The following PIGF variants were observed in gnomAD, a reference collection of about 807,000 sequenced individuals.
PIGF encodes the protein GPI ethanolamine phosphate transferase, stabilizing subunit.
A neutral mutation model predicts 26.0 loss-of-function variants in PIGF; 23 were observed. The ratio of observed to expected loss-of-function variants is 0.88; its 90% confidence interval spans 0.64 to 1.25. The LOEUF is 1.25. PIGF is among the 50% of genes most tolerant of loss of function. The probability of loss-of-function intolerance (pLI) is 0.00; values close to 1 mark genes in which losing one functional copy is unlikely to be tolerated. For synonymous variants in PIGF, 93 were observed against 92.6 expected (o/e 1.00, Z -0.03); for missense variants, 278 against 249.9 (o/e 1.11, Z -0.76).
intron 4 of PIGF, among the ~76,000 whole-genome samples, chr2:46,594,421 TA>T (rs1457150587): frequency 6.9e-6 from 1 of 143,992 alleles, no homozygotes; most frequent in Non-Finnish European, 1.5e-5. Context: ...CATCAGGTCT[TA>T]AACTGGAGGA....
chr2:46,591,360 G>A (rs2104076162), intron 5 of PIGF: 1 of 188,104 alleles, frequency 5.3e-6, no homozygotes, highest in African/African-American at 2.4e-5. Flanking sequence ...GGTTTCCTCT[G>A]GGTGGTTGGG....
At chr2:46,599,438 T>C (rs1291438780) in intron 4 of PIGF, among the ~76,000 whole-genome samples, 1 of 152,310 alleles carries the variant, frequency 6.6e-6, no homozygotes, top group East Asian at 1.9e-4. Context: ...TTTGCATCCC[T>C]TTCATTTCTC....
At chr2:46,596,212 C>CAAA (rs544010392) in intron 4 of PIGF, among the ~76,000 whole-genome samples, 4 of 102,862 alleles carry the variant, frequency 3.9e-5, no homozygotes, top group Non-Finnish European at 4.2e-5. Context: ...GACCCCATCT[C>CAAA]AAAAAAAAAA....
At chr2:46,611,091 C>G (rs150523931) in intron 4 of PIGF, among the ~76,000 whole-genome samples, 1 of 152,248 alleles carries the variant, frequency 6.6e-6, no homozygotes, top group Non-Finnish European at 1.5e-5. Flanking sequence ...GATGCTCTGT[C>G]CCTTTGAGTT....
chr2:46,605,786 A>G (rs1449129753), intron 4 of PIGF, among the ~76,000 whole-genome samples: 1 of 152,168 alleles, frequency 6.6e-6, no homozygotes, highest in Non-Finnish European at 1.5e-5. Context: ...GGGGCAAATC[A>G]CTTAACCTGT....
Position 46,588,736 on chromosome 2 carries a change from C to T in PIGF, c.546+3739G>A, listed in dbSNP as rs1259232590. 6.6e-6 allele frequency: 1 copy of T among 152,334 alleles called. No individual in the cohort carries two copies. The highest frequency in any genetic ancestry group is 1.5e-5 in the Non-Finnish European group (1 of 68,148). The allele number at this position is 152,334 out of a possible 1,614,324, so 9.4% of individuals were successfully genotyped here. A position where few individuals can be genotyped will look rare whatever the true frequency, so the allele number is the denominator to read the frequency against. ...AAGACATTTTCCAGATGAAAAACCTCATAGCTACATATTCTATGAAATAGT... is the reference window on the plus strand; with the variant it reads ...AAGACATTTTCCAGATGAAAAACCTTATAGCTACATATTCTATGAAATAGT... On this transcript the variant is annotated intron_variant, in intron 5 of 5. Transcript: ENST00000281382. The surrounding 1 kb of genome is among the most constrained non-coding windows in gnomAD (Gnocchi z 4.1).
At chr2:46,616,327 G>C (rs535425398) in intron 1 of PIGF, 2 of 152,380 alleles carry the variant, frequency 1.3e-5, no homozygotes, top group Admixed American at 6.5e-5. Context: ...TAAGCTGATT[G>C]AGGGAGGGCA....
chr2:46,593,992 C>T (rs938102332), intron 4 of PIGF, among the ~76,000 whole-genome samples: 2 of 152,180 alleles, frequency 1.3e-5, no homozygotes, highest in African/African-American at 4.8e-5. Flanking sequence ...GGGCTAAGAA[C>T]GGGCTGGAGC....
chr2:46,595,247 C>T (rs1669847735), intron 4 of PIGF, among the ~76,000 whole-genome samples: 1 of 152,126 alleles, frequency 6.6e-6, no homozygotes, highest in Non-Finnish European at 1.5e-5. Flanking sequence ...ACTCTTTAAC[C>T]ATTACCAATC....
chr2:46,592,842 G>C (rs1669763067), intron 4 of PIGF, among the ~76,000 whole-genome samples: 1 of 152,198 alleles, frequency 6.6e-6, no homozygotes, highest in South Asian at 2.1e-4. Context: ...AAACAGCTAA[G>C]TCTTCCACCC....
Position 46,589,990 on chromosome 2 carries a change from T to G in PIGF, c.546+2485A>C, listed in dbSNP as rs1047071220. ...ATTATACATCAATTCTATCATTCCCTCAACAATACATTTCATAATTTAAAA... is the reference window on the plus strand; with the variant it reads ...ATTATACATCAATTCTATCATTCCCGCAACAATACATTTCATAATTTAAAA... On this transcript the variant is annotated intron_variant, in intron 5 of 5. Coordinates refer to ENST00000281382, the MANE Select transcript of PIGF (RefSeq NM_002643.4). This position sits in a 1 kb window ranked among gnomAD's most constrained non-coding sequence, Gnocchi z 4.7. Among the ~76,000 whole-genome samples, 1 of 152,032 alleles carries G rather than the reference T, an allele frequency of 6.6e-6. No homozygotes were observed. Among genetic ancestry groups the G allele is most frequent in the Non-Finnish European group, 1.5e-5 (1 of 67,912 alleles).
At chr2:46,605,419 T>A (rs1171956641) in intron 4 of PIGF, among the ~76,000 whole-genome samples, 2 of 152,070 alleles carry the variant, frequency 1.3e-5, no homozygotes, top group East Asian at 3.8e-4. Flanking sequence ...CCTTGGTCTG[T>A]CACCTAAACT....
chr2:46,595,237 A>G (rs1304450779), intron 4 of PIGF, among the ~76,000 whole-genome samples: 1 of 151,592 alleles, frequency 6.6e-6, no homozygotes, highest in African/African-American at 2.4e-5. Flanking sequence ...TCATCCCCAG[A>G]CTCTTTAACC....
rs73926525 is a variant in PIGF at position 46,615,324 on chromosome 2, C to T, written c.-21-139G>A. On this transcript the variant is annotated intron_variant, in intron 1 of 5. Coordinates refer to ENST00000281382, the MANE Select transcript of PIGF (RefSeq NM_002643.4). ...TGTTTCAAAACACAAAAGATGCAGA[C>T]GTGTAGATGCACATACAGACTTAGC... is the stretch of plus-strand genomic sequence containing the variant. 1.5e-3 allele frequency: 798 copies of T among 546,272 alleles called. 5 individuals carry two copies. Among genetic ancestry groups the T allele is most frequent in the African/African-American group, 0.014 (729 of 52,938 alleles). 33.8% of individuals were successfully genotyped at this position (546,272 alleles called of 1,614,324 possible).
chr2:46,612,407 C>A (rs1670452777), intron 3 of PIGF, 63 bp from the exon 4 acceptor site: 1 of 480,286 alleles, frequency 2.1e-6, no homozygotes, highest in Non-Finnish European at 3.6e-6. Flanking sequence ...CATACATAAT[C>A]TTTATTATAT....
chr2:46,613,784 A>G lies in PIGF; in HGVS notation c.230T>C (p.Val77Ala), dbSNP rs1253129994. 1 of 1,537,978 alleles carries G rather than the reference A, an allele frequency of 6.5e-7. No individual in the cohort carries two copies. The highest frequency in any genetic ancestry group is 1.2e-5 in the South Asian group (1 of 83,570). Residue 77 changes from valine to alanine, a missense_variant and splice_region_variant, in exon 3 of 6, where the codon GTA (valine) becomes GCA (alanine). Transcript: ENST00000281382. The stretch of plus-strand genomic sequence containing the variant: ...GATACAGCATTTCAAAAATCCAGTT[A>G]CCTAAAAGAGAAATGAATAACCTGA... ...SSKRSSLSHK[V>A]TGFLKCCIYF...
chr2:46,588,089 G>T lies in PIGF; in HGVS notation c.546+4386C>A, dbSNP rs751270952. 6.3e-7 allele frequency: 1 copy of T among 1,593,912 alleles called. No homozygotes were observed. Among genetic ancestry groups the T allele is most frequent in the South Asian group, 1.1e-5 (1 of 88,674 alleles). ...GTAAAACCTACCTTGCACTACGGTT[G>T]TCAGGATTAAGTTACTCATTTCACA... On this transcript the variant is annotated intron_variant, in intron 5 of 5. Transcript: ENST00000281382. The surrounding 1 kb of genome is among the most constrained non-coding windows in gnomAD (Gnocchi z 4.1).
chr2:46,615,300 G>C (rs1226585704), intron 1 of PIGF, 115 bp from the exon 2 acceptor site: 1 of 583,960 alleles, frequency 1.7e-6, no homozygotes, highest in Admixed American at 3.2e-5. Flanking sequence ...CAATGTATTT[G>C]TTTCAAAACA....
At chr2:46,611,482 C>CAAA (rs71397012) in intron 4 of PIGF, among the ~76,000 whole-genome samples, 2 of 125,588 alleles carry the variant, frequency 1.6e-5, no homozygotes, top group Non-Finnish European at 1.7e-5. Context: ...GGTTCCATCT[C>CAAA]AAAAAAAAAA....
Sources: gnomAD v4.1 joint callset for allele counts (sites outside exome capture counted in the v4.1 genomes callset) on GRCh38, gnomAD v4.1.1 for gene constraint, Gnocchi (gnomAD v3.1) non-coding constraint, MANE v1.5 for transcripts, NCBI Gene and HGNC (gene_info 2026-07-23, HGNC 2026-07-21) for gene names.